DGKI: variants seen among roughly 807,000 people sequenced by gnomAD.
DGKI encodes the protein diacylglycerol kinase iota.
DGKI carries 55 observed loss-of-function variants against 147.5 expected under a neutral mutation model. The ratio of observed to expected loss-of-function variants is 0.37; its 90% CI spans 0.30 to 0.47. The LOEUF (loss-of-function observed/expected upper bound fraction) is 0.47. DGKI is among the 20% of genes least tolerant of loss of function. DGKI has a pLI of 1.00. For synonymous variants in DGKI, 469 were observed against 477.1 expected, an observed-to-expected ratio of 0.98 and a Z score of 0.22; for missense variants, 1,007 against 1,323.8, an observed-to-expected ratio of 0.76 and a Z score of 3.71.
At chr7:137,531,087 G>A (rs186661566) in intron 20 of DGKI, among the ~76,000 whole-genome samples, 7 of 152,222 alleles carry the variant, frequency 4.6e-5, no homozygotes, top group Admixed American at 4.6e-4. Context: ...CATGCTTAAG[G>A]AGTATAAAAC....
intron 1 of DGKI, among the ~76,000 whole-genome samples, chr7:137,706,763 G>A (rs954213737): frequency 6.6e-6 from 1 of 151,516 alleles, no homozygotes; most frequent in Non-Finnish European, 1.5e-5. Flanking sequence ...TAGTAGAGAC[G>A]GGGTTTCACC....
At chr7:137,764,838 C>G in intron 1 of DGKI, among the ~76,000 whole-genome samples, 1 of 152,140 alleles carries the variant, frequency 6.6e-6, no homozygotes, top group Non-Finnish European at 1.5e-5. Context: ...TCCCCACCTC[C>G]TACCTCTCCA....
intron 1 of DGKI, among the ~76,000 whole-genome samples, chr7:137,765,205 T>C (rs1233294170): frequency 1.3e-5 from 2 of 152,248 alleles, no homozygotes; most frequent in African/African-American, 4.8e-5. Context: ...TAGTGGCTTA[T>C]ACTGAGCTTT....
At chr7:137,549,524 T>C (rs1817976417) in intron 20 of DGKI, among the ~76,000 whole-genome samples, 1 of 152,146 alleles carries the variant, frequency 6.6e-6, no homozygotes. Flanking sequence ...AAGCTAAAAA[T>C]GCTAAAGATA....
Position 137,382,625 on chromosome 7 carries a change from C to T in DGKI, c.*8595G>A, listed in dbSNP as rs1811086444. Reference sequence around the variant, plus strand: ...GAGTTTGATTTTCAATATCTGCTAACACTATCAGTTGTTTGAGATTACCAT... The same window carrying T: ...GAGTTTGATTTTCAATATCTGCTAATACTATCAGTTGTTTGAGATTACCAT... On this transcript the variant is annotated 3_prime_UTR_variant, in exon 33 of 33. Transcript: ENST00000614521. 6.6e-6 allele frequency: 1 copy of T among 152,070 alleles called. No individual in the cohort carries two copies. The highest frequency in any genetic ancestry group is 2.4e-5 in the African/African-American group (1 of 41,422). 9.4% of individuals were successfully genotyped at this position (152,070 alleles called of 1,614,324 possible).
At chr7:137,688,355 C>G (rs1823494141) in intron 2 of DGKI, among the ~76,000 whole-genome samples, 1 of 152,182 alleles carries the variant, frequency 6.6e-6, no homozygotes, top group Non-Finnish European at 1.5e-5. Flanking sequence ...AATCTGCTGG[C>G]TGCACAGTTT....
chr7:137,409,548 A>G (rs753332887), intron 29 of DGKI, among the ~76,000 whole-genome samples: 19 of 152,242 alleles, frequency 1.2e-4, no homozygotes, highest in Non-Finnish European at 2.4e-4. Flanking sequence ...AATGGAGGTA[A>G]GGAACATCCC....
At chr7:137,438,317 T>C (rs1585115589) in intron 28 of DGKI, among the ~76,000 whole-genome samples, 1 of 152,014 alleles carries the variant, frequency 6.6e-6, no homozygotes, top group Non-Finnish European at 1.5e-5. Flanking sequence ...CCCATAAGTA[T>C]ATGAAAAGAT....
At chr7:137,824,536 G>GA (rs1366706349) in intron 1 of DGKI, among the ~76,000 whole-genome samples, 1 of 39,756 alleles carries the variant, frequency 2.5e-5, no homozygotes, top group African/African-American at 1.5e-4. Flanking sequence ...AAAAGAAAAA[G>GA]AAAAGAAAAT....
chr7:137,622,611 A>C (rs540921596), intron 7 of DGKI, among the ~76,000 whole-genome samples: 1 of 152,234 alleles, frequency 6.6e-6, no homozygotes, highest in East Asian at 1.9e-4. Context: ...ATGAAAAAAA[A>C]CAGCCACAGA....
chr7:137,540,377 G>C (rs1403744569), intron 20 of DGKI, among the ~76,000 whole-genome samples: 3 of 152,130 alleles, frequency 2.0e-5, no homozygotes, highest in Admixed American at 6.5e-5. Flanking sequence ...AAAGGCATAA[G>C]GATGAGAGAG....
intron 28 of DGKI, among the ~76,000 whole-genome samples, chr7:137,413,149 C>G (rs1362078998): frequency 6.6e-6 from 1 of 151,858 alleles, no homozygotes; most frequent in Non-Finnish European, 1.5e-5. Flanking sequence ...CACCTGTAAT[C>G]CCAGCTACTC....
rs141656765 is a variant in DGKI, at chr7:137,843,525, G to C, written c.401+2937C>G. 866 of 579,854 alleles carry C rather than the reference G, an allele frequency of 1.5e-3. 3 individuals carry two copies. The highest frequency in any genetic ancestry group is 1.8e-3 in the Non-Finnish European group (817 of 459,482). The allele number at this position is 579,854 out of a possible 1,614,324, so 35.9% of individuals were successfully genotyped here. A position where few individuals can be genotyped will look rare whatever the true frequency, so the allele number is the denominator to read the frequency against. ...TCTCAAAAAAAGCCAACACAGAATA[G>C]ATAATGAGGGGAAATCTAGGAGTAC... is the stretch of plus-strand genomic sequence containing the variant. On this transcript the variant is annotated intron_variant, in intron 1 of 32. Transcript: ENST00000614521.
chr7:137,828,805 G>A (rs1354530129), intron 1 of DGKI, among the ~76,000 whole-genome samples: 2 of 152,166 alleles, frequency 1.3e-5, no homozygotes, highest in African/African-American at 4.8e-5. Context: ...ATAAGTCCAT[G>A]CATTTACTTC....
intron 27 of DGKI, among the ~76,000 whole-genome samples, chr7:137,446,672 G>A (rs1357153349): frequency 1.3e-5 from 2 of 152,064 alleles, no homozygotes; most frequent in South Asian, 2.1e-4. Flanking sequence ...GTTGCAGTGA[G>A]CCGAGACCGC....
At chr7:137,705,618 C>G (rs1238591353) in intron 1 of DGKI, among the ~76,000 whole-genome samples, 1 of 151,866 alleles carries the variant, frequency 6.6e-6, no homozygotes, top group Non-Finnish European at 1.5e-5. Flanking sequence ...TGGAGTGATG[C>G]AAATGTTTGA....
intron 1 of DGKI, among the ~76,000 whole-genome samples, chr7:137,707,305 G>A (rs773213021): frequency 2.0e-5 from 3 of 152,196 alleles, no homozygotes; most frequent in Non-Finnish European, 4.4e-5. Context: ...ATTGGATAAC[G>A]TTGGTAGCAT....
intron 23 of DGKI, among the ~76,000 whole-genome samples, chr7:137,484,552 CAA>C (rs1815485583): frequency 6.6e-6 from 1 of 152,004 alleles, no homozygotes; most frequent in African/African-American, 2.4e-5. Flanking sequence ...TGAGACCAGT[CAA>C]AGAGCTTTGT....
In DGKI at chr7:137,382,329, C is replaced by A. The variant is rs1811079542; in HGVS notation, c.*8891G>T. On this transcript the variant is annotated 3_prime_UTR_variant, in exon 33 of 33. Transcript: ENST00000614521. ...ATATATTGAGATTTGTGGGAAAAAA[C>A]CCTAAATATTCCTTATTTTTTTCAA... 6.6e-6 allele frequency: 1 copy of A among 151,770 alleles called. No homozygotes were observed. Among genetic ancestry groups the A allele is most frequent in the South Asian group, 2.1e-4 (1 of 4,814 alleles). 9.4% of individuals were successfully genotyped at this position (151,770 alleles called of 1,614,324 possible). A position where few individuals can be genotyped will look rare whatever the true frequency, so the allele number is the denominator to read the frequency against.
Sources: gnomAD v4.1 joint callset for allele counts (sites outside exome capture counted in the v4.1 genomes callset) on GRCh38, gnomAD v4.1.1 for gene constraint, MANE v1.5 for transcripts, NCBI Gene and HGNC (gene_info 2026-07-23, HGNC 2026-07-21) for gene names.